Variants in FAM135B observed in about 807,000 individuals in gnomAD.
FAM135B encodes family with sequence similarity 135 member B.
FAM135B carries 43 observed loss-of-function variants against 127.7 expected under a neutral mutation model. The ratio of observed to expected loss-of-function variants is 0.34; its 90% CI spans 0.26 to 0.43. FAM135B has a LOEUF of 0.43. FAM135B is among the 20% of genes least tolerant of loss of function. FAM135B has a pLI of 1.00. For synonymous variants in FAM135B, 670 were observed against 665.1 expected, an observed-to-expected ratio of 1.01 and a Z score of -0.11; for missense variants, 1,558 against 1,725.6, an observed-to-expected ratio of 0.90 and a Z score of 1.72.
intron 7 of FAM135B, 139 bp from the exon 8 acceptor site, chr8:138,197,808 G>T: frequency 2.4e-6 from 2 of 837,284 alleles, no homozygotes; most frequent in Non-Finnish European, 3.6e-6. Flanking sequence ...CCCATCCTGA[G>T]TAAAACTGGA....
At chr8:138,205,766 A>G (rs1218199771) in intron 7 of FAM135B, among the ~76,000 whole-genome samples, 2 of 152,046 alleles carry the variant, frequency 1.3e-5, no homozygotes, top group African/African-American at 4.8e-5. Flanking sequence ...AAAGGTACCA[A>G]TGTTGTCTCC....
chr8:138,378,064 G>A (rs2131271089), intron 1 of FAM135B, among the ~76,000 whole-genome samples: 2 of 152,328 alleles, frequency 1.3e-5, no homozygotes, highest in South Asian at 4.1e-4. Context: ...TCACTTCTGT[G>A]TGGAAACTTG....
rs986265188 is a variant in FAM135B, at chr8:138,323,728, G to A, written c.78-12808C>T. ...GGATCTGATTGCAGGACCCTCCTGG[G>A]CCATACTTTGTGTAGGTGAAAATTC... On this transcript the variant is annotated intron_variant, in intron 2 of 19. Transcript: ENST00000395297. Among the ~76,000 whole-genome samples, 31 of 152,156 alleles carry A rather than the reference G, an allele frequency of 2.0e-4. 2 individuals are homozygous for A. The highest frequency in any genetic ancestry group is 1.8e-3 in the Admixed American group (28 of 15,264).
At chr8:138,212,335 T>A (rs1818208982) in intron 7 of FAM135B, among the ~76,000 whole-genome samples, 1 of 152,154 alleles carries the variant, frequency 6.6e-6, no homozygotes, top group South Asian at 2.1e-4. Flanking sequence ...GATAGAGTGA[T>A]GTTGCTGGCC....
intron 1 of FAM135B, chr8:138,459,044 C>T (rs959196133): frequency 1.3e-5 from 2 of 152,630 alleles, no homozygotes; most frequent in Non-Finnish European, 2.9e-5. Flanking sequence ...CGCAGCACTG[C>T]CACTCCCCAC....
chr8:138,237,361 A>G (rs1460096226), intron 7 of FAM135B, among the ~76,000 whole-genome samples: 2 of 151,996 alleles, frequency 1.3e-5, no homozygotes, highest in Non-Finnish European at 2.9e-5. Flanking sequence ...GGGTTTCTCC[A>G]TGTTGGCCAG....
At chr8:138,302,442 C>CCA (rs1462740560) in intron 3 of FAM135B, among the ~76,000 whole-genome samples, 1 of 152,144 alleles carries the variant, frequency 6.6e-6, no homozygotes, top group Non-Finnish European at 1.5e-5. Flanking sequence ...GCTGTTAATG[C>CCA]CACTGCCTGA....
At chr8:138,387,669 T>C (rs962993140) in intron 1 of FAM135B, among the ~76,000 whole-genome samples, 6 of 152,152 alleles carry the variant, frequency 3.9e-5, no homozygotes, top group African/African-American at 1.4e-4. Flanking sequence ...CACTTAATCC[T>C]AGACACAGCG....
intron 15 of FAM135B, among the ~76,000 whole-genome samples, chr8:138,145,156 C>T (rs1817548748): frequency 6.6e-6 from 1 of 152,100 alleles, no homozygotes; most frequent in Non-Finnish European, 1.5e-5. Flanking sequence ...GCTGGGAATA[C>T]AGGCACACAC....
intron 2 of FAM135B, among the ~76,000 whole-genome samples, chr8:138,351,167 A>C (rs998572666): frequency 6.6e-6 from 1 of 152,210 alleles, no homozygotes; most frequent in Non-Finnish European, 1.5e-5. Context: ...TCACCTGTAC[A>C]GGCTGAATTG....
chr8:138,421,451 A>G (rs973055878), intron 1 of FAM135B, among the ~76,000 whole-genome samples: 1 of 152,242 alleles, frequency 6.6e-6, no homozygotes, highest in Non-Finnish European at 1.5e-5. Context: ...GTTTCAAGAT[A>G]CAAAAGTCAA....
intron 3 of FAM135B, among the ~76,000 whole-genome samples, chr8:138,287,121 A>G (rs968245404): frequency 6.6e-6 from 1 of 152,232 alleles, no homozygotes; most frequent in African/African-American, 2.4e-5. Context: ...CAAGCTACAG[A>G]CTACGGGAAG....
At chr8:138,456,452 G>C (rs1427856691) in intron 1 of FAM135B, among the ~76,000 whole-genome samples, 1 of 152,154 alleles carries the variant, frequency 6.6e-6, no homozygotes, top group Non-Finnish European at 1.5e-5. Flanking sequence ...ACAAGGTTAG[G>C]ACAGGGTCTT....
At chr8:138,273,152 A>G (rs1462347233) in intron 3 of FAM135B, among the ~76,000 whole-genome samples, 2 of 152,206 alleles carry the variant, frequency 1.3e-5, no homozygotes, top group Non-Finnish European at 2.9e-5. Flanking sequence ...ATAGAATTTT[A>G]CCAGATATTA....
At chr8:138,384,372 T>G (rs1380981483) in intron 1 of FAM135B, among the ~76,000 whole-genome samples, 1 of 152,024 alleles carries the variant, frequency 6.6e-6, no homozygotes, top group Non-Finnish European at 1.5e-5. Context: ...ATTTATTTAT[T>G]TATTTATTTA....
intron 1 of FAM135B, among the ~76,000 whole-genome samples, chr8:138,486,234 CAA>C (rs147193289): frequency 0.025 from 3,835 of 151,986 alleles, 152 homozygotes; most frequent in African/African-American, 0.087. Context: ...CCAAGCATGG[CAA>C]AGTTTCAGGA....
chr8:138,159,043 C>A lies in FAM135B; in HGVS notation c.1259-5827G>T, dbSNP rs548900635. 3.3e-3 allele frequency among the ~76,000 whole-genome samples: 502 copies of A among 150,766 alleles called. 3 individuals are homozygous for A. Among genetic ancestry groups the A allele is most frequent in the African/African-American group, 0.012 (482 of 41,040 alleles). On this transcript the variant is annotated intron_variant, in intron 12 of 19. Coordinates refer to ENST00000395297, the MANE Select transcript of FAM135B (RefSeq NM_015912.4). The stretch of plus-strand genomic sequence containing the variant: ...ATCCCAGCACTTTGGGAGGCCGAGG[C>A]GGGTGGATCATGAGGTCAGGAGATC...
intron 3 of FAM135B, among the ~76,000 whole-genome samples, chr8:138,308,706 G>A (rs1382276046): frequency 6.6e-6 from 1 of 151,874 alleles, no homozygotes; most frequent in Non-Finnish European, 1.5e-5. Flanking sequence ...GCTGGGCTCT[G>A]CCAACCACTG....
intron 1 of FAM135B, among the ~76,000 whole-genome samples, chr8:138,385,325 T>C (rs1832125997): frequency 6.6e-6 from 1 of 152,130 alleles, no homozygotes; most frequent in Non-Finnish European, 1.5e-5. Context: ...TCATGTCCTC[T>C]CTCAGAATAT....
Sources: allele counts gnomAD v4.1 joint callset (sites outside exome capture counted in the v4.1 genomes callset), GRCh38; gene constraint gnomAD v4.1.1; transcripts MANE v1.5; gene names NCBI Gene and HGNC (gene_info 2026-07-23, HGNC 2026-07-21).